The following ME3 variants were observed in gnomAD, a reference collection of about 807,000 sequenced individuals.
ME3 encodes NADP-dependent malic enzyme, mitochondrial.
A neutral mutation model predicts 68.9 loss-of-function variants in ME3; 48 were observed. The ratio of observed to expected loss-of-function variants is 0.70; its 90% CI spans 0.55 to 0.89. The LOEUF (loss-of-function observed/expected upper bound fraction) is 0.89, where lower values mean the gene tolerates loss of function less well. Ranked by LOEUF, ME3 falls within the 40% of genes least tolerant of loss-of-function variation. ME3 has a pLI of 0.00. For synonymous variants in ME3, 320 were observed against 318.8 expected, an observed-to-expected ratio of 1.00 and a Z score of -0.04; for missense variants, 675 against 797.4, an observed-to-expected ratio of 0.85 and a Z score of 1.85.
At chr11:86,528,514 C>T (rs1280325209) in intron 4 of ME3, among the ~76,000 whole-genome samples, 1 of 152,156 alleles carries the variant, frequency 6.6e-6, no homozygotes, top group Non-Finnish European at 1.5e-5. Context: ...ACCTAATAGA[C>T]ATCTACAGAA....
At chr11:86,615,030 T>A (rs201014071) in intron 2 of ME3, among the ~76,000 whole-genome samples, 4 of 150,250 alleles carry the variant, frequency 2.7e-5, no homozygotes, top group African/African-American at 4.9e-5. Flanking sequence ...ATCGTTTTTT[T>A]AAAAAATATC....
intron 5 of ME3, among the ~76,000 whole-genome samples, chr11:86,505,987 C>T (rs1594215495): frequency 6.6e-6 from 1 of 152,190 alleles, no homozygotes; most frequent in African/African-American, 2.4e-5. Context: ...AATGTACTGT[C>T]ACTGTTTCTG....
At chr11:86,643,703 A>G (rs1944816650) in intron 2 of ME3, among the ~76,000 whole-genome samples, 1 of 152,196 alleles carries the variant, frequency 6.6e-6, no homozygotes, top group Non-Finnish European at 1.5e-5. Flanking sequence ...CTTTACTCTT[A>G]TGAGCTTGCT....
intron 4 of ME3, among the ~76,000 whole-genome samples, chr11:86,538,381 T>G (rs1841066): frequency 6.6e-6 from 1 of 152,022 alleles, no homozygotes; most frequent in East Asian, 1.9e-4. Context: ...GACTGTTGTA[T>G]GATTCAAAGA....
chr11:86,521,913 A>G (rs1954339955), intron 4 of ME3, among the ~76,000 whole-genome samples: 1 of 152,128 alleles, frequency 6.6e-6, no homozygotes, highest in Non-Finnish European at 1.5e-5. Context: ...ATCCATATCC[A>G]CAGGTTCTAC....
At chr11:86,651,049 G>A (rs1409922421) in intron 2 of ME3, among the ~76,000 whole-genome samples, 5 of 152,200 alleles carry the variant, frequency 3.3e-5, no homozygotes, top group African/African-American at 7.2e-5. Context: ...GCTGGGGGAG[G>A]GGCACCCGCC....
At chr11:86,611,720 T>A (rs181409739) in intron 2 of ME3, among the ~76,000 whole-genome samples, 1 of 152,160 alleles carries the variant, frequency 6.6e-6, no homozygotes, top group East Asian at 1.9e-4. Flanking sequence ...GGGCCTTGAT[T>A]GTTGGCTCTT....
At chr11:86,541,123 T>G (rs1956020001) in intron 4 of ME3, among the ~76,000 whole-genome samples, 1 of 152,338 alleles carries the variant, frequency 6.6e-6, no homozygotes, top group Non-Finnish European at 1.5e-5. Flanking sequence ...ACTATGCTTT[T>G]CCCACTGTCT....
chr11:86,533,876 G>A (rs1955446384), intron 4 of ME3, among the ~76,000 whole-genome samples: 1 of 151,994 alleles, frequency 6.6e-6, no homozygotes, highest in Non-Finnish European at 1.5e-5. Context: ...ACATGATATA[G>A]CCTATTACAC....
chr11:86,535,457 G>A (rs182457840), intron 4 of ME3, among the ~76,000 whole-genome samples: 60 of 152,316 alleles, frequency 3.9e-4, no homozygotes, highest in African/African-American at 1.3e-3. Context: ...TTCTGGAAGT[G>A]TAGGACATAA....
At chr11:86,531,597 C>T (rs1453297405) in intron 4 of ME3, among the ~76,000 whole-genome samples, 1 of 152,142 alleles carries the variant, frequency 6.6e-6, no homozygotes, top group African/African-American at 2.4e-5. Flanking sequence ...TTGGAACCAA[C>T]CCAAATGTCC....
intron 2 of ME3, among the ~76,000 whole-genome samples, chr11:86,658,276 A>C (rs1016430977): frequency 6.6e-6 from 1 of 151,900 alleles, no homozygotes; most frequent in Non-Finnish European, 1.5e-5. Context: ...GGCATGCGTC[A>C]CCAGCCCAGC....
At chr11:86,623,656 C>T (rs536487692) in intron 2 of ME3, among the ~76,000 whole-genome samples, 63 of 152,240 alleles carry the variant, frequency 4.1e-4, no homozygotes, top group African/African-American at 1.2e-3. Flanking sequence ...GCCAGACAGT[C>T]GAGAGTCAAG....
intron 4 of ME3, among the ~76,000 whole-genome samples, chr11:86,513,315 T>C (rs1953669840): frequency 6.6e-6 from 1 of 152,228 alleles, no homozygotes; most frequent in African/African-American, 2.4e-5. Context: ...TTGAAATGTG[T>C]TAAGAGCTTT....
At chr11:86,510,008 CAAAAT>C (rs901091805) in intron 4 of ME3, among the ~76,000 whole-genome samples, 9 of 152,118 alleles carry the variant, frequency 5.9e-5, no homozygotes, top group African/African-American at 1.7e-4. Context: ...AAAATTAAAA[CAAAAT>C]AAAACACCAA....
Position 86,599,357 on chromosome 11 carries a change from G to C in ME3, c.184-39534C>G, listed in dbSNP as rs1193354558. On this transcript the variant is annotated intron_variant, in intron 2 of 14. Transcript: ENST00000543262. ...ACTGGAAGAAAGGATATCAGTGATG[G>C]AAGATGAAATGAATGAAATGAAGCG... Among the ~76,000 whole-genome samples, 3 of 152,218 alleles carry C rather than the reference G, an allele frequency of 2.0e-5. 1 individual carries two copies. The highest frequency in any genetic ancestry group is 4.8e-5 in the African/African-American group (2 of 41,454).
intron 2 of ME3, among the ~76,000 whole-genome samples, chr11:86,638,867 C>T (rs1944503023): frequency 6.6e-6 from 1 of 152,162 alleles, no homozygotes; most frequent in African/African-American, 2.4e-5. Flanking sequence ...GCCTGAGCTC[C>T]TTCCACTTTA....
At chr11:86,521,424 A>AAAC (rs1371942272) in intron 4 of ME3, among the ~76,000 whole-genome samples, 9 of 126,728 alleles carry the variant, frequency 7.1e-5, no homozygotes, top group African/African-American at 2.9e-4. Flanking sequence ...AAAACAAAAC[A>AAAC]AAACAAAAAT....
intron 2 of ME3, among the ~76,000 whole-genome samples, chr11:86,605,900 T>C (rs1441568907): frequency 2.0e-5 from 3 of 152,098 alleles, no homozygotes; most frequent in African/African-American, 7.2e-5. Context: ...TTATTTTCTG[T>C]TCTCTAAGTT....
Sources: gnomAD v4.1 joint callset for allele counts (sites outside exome capture counted in the v4.1 genomes callset) on GRCh38, gnomAD v4.1.1 for gene constraint, MANE v1.5 for transcripts, NCBI Gene and HGNC (gene_info 2026-07-23, HGNC 2026-07-21) for gene names.